The following MED12L variants were observed in gnomAD, a reference collection of about 807,000 sequenced individuals.
MED12L encodes the protein mediator complex subunit 12L, also known as mediator of RNA polymerase II transcription subunit 12-like protein.
In MED12L, 60 loss-of-function variants were observed where a neutral mutation model predicts 281.3. The ratio of observed to expected loss-of-function variants is 0.21; its 90% CI spans 0.17 to 0.26. MED12L has a LOEUF of 0.26. Among genes scored for constraint, MED12L ranks in the 10% least tolerant of loss-of-function variants. MED12L has a pLI of 1.00. For synonymous variants in MED12L, 974 were observed against 987.2 expected, an observed-to-expected ratio of 0.99 and a Z score of 0.25; for missense variants, 2,146 against 2,680.9, an observed-to-expected ratio of 0.80 and a Z score of 4.41.
At chr3:151,338,230 T>C (rs1751295695) in intron 16 of MED12L, 1 of 1,613,952 alleles carries the variant, frequency 6.2e-7, no homozygotes, top group Non-Finnish European at 8.5e-7. Flanking sequence ...TAACATACAA[T>C]AACAATTAAG....
intron 11 of MED12L, among the ~76,000 whole-genome samples, chr3:151,171,506 G>A (rs995143504): frequency 2.0e-5 from 3 of 152,176 alleles, no homozygotes; most frequent in Non-Finnish European, 4.4e-5. Context: ...AGATGGAACC[G>A]GCTGCACTGG....
At position 151,411,501 on chromosome 3, in the gene MED12L, C is replaced by T; in HGVS notation, c.6134C>T (p.Ser2045Phe). ...CCGTACCTGCAGCCCCTGACTGGCT[C>T]TCAGAGGTGATACATGTGGAAATGA... ...ASPYLQPLTG[S>F]QRLNHQALQQ... The change falls in exon 41 of 45, where the codon TCT (serine) becomes TTT (phenylalanine). Residue 2045 changes from serine to phenylalanine, a missense_variant. This residue lies in a region of MED12L where 496 missense variants were observed against 512.0 expected (regional missense o/e 0.97). Coordinates refer to ENST00000687756, the MANE Select transcript of MED12L (RefSeq NM_001393769.1). 6 of 1,614,020 alleles carry T rather than the reference C, an allele frequency of 3.7e-6. No individual in the cohort carries two copies. The highest frequency in any genetic ancestry group is 4.2e-6 in the Non-Finnish European group (5 of 1,179,884).
At chr3:151,090,845 G>A (rs1444318792) in intron 2 of MED12L, among the ~76,000 whole-genome samples, 1 of 152,088 alleles carries the variant, frequency 6.6e-6, no homozygotes, top group African/African-American at 2.4e-5. Context: ...TTCGAGACCA[G>A]CCTTAACAAC....
intron 16 of MED12L, among the ~76,000 whole-genome samples, chr3:151,318,638 C>T (rs986916594): frequency 2.6e-5 from 4 of 152,138 alleles, no homozygotes; most frequent in African/African-American, 9.7e-5. Flanking sequence ...TGAGGATTAT[C>T]ACCCCAAATT....
chr3:151,124,468 C>T (rs970674109), intron 4 of MED12L, among the ~76,000 whole-genome samples: 3 of 152,210 alleles, frequency 2.0e-5, no homozygotes, highest in African/African-American at 7.2e-5. Context: ...AATCCTTCCC[C>T]TTCCCTCCTC....
At chr3:151,233,796 ATC>A (rs1732200072) in intron 16 of MED12L, among the ~76,000 whole-genome samples, 1 of 152,208 alleles carries the variant, frequency 6.6e-6, no homozygotes, top group Non-Finnish European at 1.5e-5. Context: ...GCATTCTTGG[ATC>A]GTTCCTGTTC....
At chr3:151,331,137 A>G (rs1750303061) in intron 16 of MED12L, among the ~76,000 whole-genome samples, 1 of 152,256 alleles carries the variant, frequency 6.6e-6, no homozygotes, top group Non-Finnish European at 1.5e-5. Flanking sequence ...TTCTAGAGTT[A>G]TGGAAATAGA....
rs1753869639 is a variant in MED12L, at chr3:151,355,967, C to A, written c.2589C>A (p.His863Gln). The A allele has an allele frequency of 6.2e-7, 1 of 1,613,992 alleles. No individual in the cohort carries two copies. The highest frequency in any genetic ancestry group is 8.5e-7 in the Non-Finnish European group (1 of 1,179,990). ...CATCCTATCATCTCCCTTTGGCTCACCACATTCAGCTCATCTTTGATCTCA... is the reference window on the plus strand; with the variant it reads ...CATCCTATCATCTCCCTTTGGCTCAACACATTCAGCTCATCTTTGATCTCA... ...SGTSYHLPLA[H>Q]HIQLIFDLME... Residue 863 changes from histidine to glutamine, a missense_variant, in exon 19 of 45, where the codon CAC becomes CAA. Physicochemically the swap from His to Gln is conservative, Grantham distance 24. Around this residue, in one of 9 missense-constraint regions of MED12L, gnomAD observed 404 missense variants for 603.5 expected, o/e 0.67. Transcript: ENST00000687756.
intron 16 of MED12L, among the ~76,000 whole-genome samples, chr3:151,274,542 A>G (rs1475549997): frequency 3.9e-5 from 6 of 152,220 alleles, no homozygotes; most frequent in African/African-American, 1.2e-4. Flanking sequence ...CTCCTAGGAC[A>G]TTTAACTGAA....
At chr3:151,375,917 A>G in intron 27 of MED12L, 109 bp from the exon 28 acceptor site, 1 of 600,728 alleles carries the variant, frequency 1.7e-6, no homozygotes, top group Non-Finnish European at 2.5e-6. Context: ...TTAAATTGGA[A>G]AATTCCTATC....
In MED12L at chr3:151,368,217, A is replaced by T; in HGVS notation, c.3516A>T (p.Arg1172=). 1 of 1,613,962 alleles carries T rather than the reference A, an allele frequency of 6.2e-7. No homozygotes were observed. The highest frequency in any genetic ancestry group is 8.5e-7 in the Non-Finnish European group (1 of 1,179,956). The change falls in exon 25 of 45, where the codon CGA becomes CGT. Residue 1172 remains arginine, a synonymous_variant. Coordinates refer to ENST00000687756, the MANE Select transcript of MED12L (RefSeq NM_001393769.1). ...GCCGACTCTTGCTTCATCTCTTCCG[A>T]GCTCCCCAGGCCTGCTTCTTACCTC... ...MTCRLLLHLF[R]APQACFLPQA...
rs185604511 is a variant in MED12L at position 151,176,293 on chromosome 3, T to C, written c.1495-9037T>C. Among the ~76,000 whole-genome samples, 188 of 152,322 alleles carry C rather than the reference T, an allele frequency of 1.2e-3. 1 individual carries two copies. The highest frequency in any genetic ancestry group is 1.8e-3 in the Non-Finnish European group (124 of 68,028). Reference sequence around the variant, plus strand: ...AACAGGGCATACTGTATAACAAACATATATACCAGCAGTAATCACTGTTAA... The same window carrying C: ...AACAGGGCATACTGTATAACAAACACATATACCAGCAGTAATCACTGTTAA... On this transcript the variant is annotated intron_variant, in intron 11 of 44. Coordinates refer to ENST00000687756, the MANE Select transcript of MED12L (RefSeq NM_001393769.1).
intron 16 of MED12L, among the ~76,000 whole-genome samples, chr3:151,312,972 A>G (rs985375378): frequency 1.3e-5 from 2 of 152,204 alleles, no homozygotes; most frequent in African/African-American, 4.8e-5. Flanking sequence ...TTAGTACTCT[A>G]GTTTTTCAGA....
intron 16 of MED12L, among the ~76,000 whole-genome samples, chr3:151,313,882 C>T (rs1017584898): frequency 3.3e-5 from 5 of 149,958 alleles, no homozygotes; most frequent in African/African-American, 9.9e-5. Context: ...AAAGATCACG[C>T]GACTGCACTC....
intron 39 of MED12L, among the ~76,000 whole-genome samples, chr3:151,400,083 T>A (rs928937846): frequency 6.6e-6 from 1 of 152,136 alleles, no homozygotes; most frequent in African/African-American, 2.4e-5. Context: ...TGTCTCGACC[T>A]CCTATAGTGC....
intron 16 of MED12L, among the ~76,000 whole-genome samples, chr3:151,334,192 C>CTTTTTTTTTTTTTTTTTTTTTTTTTGTTT (rs71848482): frequency 1.0e-5 from 1 of 99,450 alleles, no homozygotes. Context: ...TTCTTTCTTT[C>CTTTTTTTTTTTTTTTTTTTTTTTTTGTTT]TTTCTTTTTT....
At chr3:151,188,870 G>A (rs73018628) in intron 13 of MED12L, among the ~76,000 whole-genome samples, 13,000 of 152,198 alleles carry the variant, frequency 0.085, 1,277 homozygotes, top group African/African-American at 0.23. Flanking sequence ...ATAGCCAGAG[G>A]CATGGTACAA....
intron 16 of MED12L, among the ~76,000 whole-genome samples, chr3:151,269,191 G>A (rs555349742): frequency 1.2e-4 from 19 of 152,202 alleles, no homozygotes; most frequent in Admixed American, 7.9e-4. Flanking sequence ...ACCTGAGGTC[G>A]GGAGTTCGAG....
intron 16 of MED12L, among the ~76,000 whole-genome samples, chr3:151,286,330 G>A (rs1743502863): frequency 6.6e-6 from 1 of 152,192 alleles, no homozygotes; most frequent in South Asian, 2.1e-4. Context: ...ATTTGTGATA[G>A]TTTTGCTTTG....
Sources: allele counts gnomAD v4.1 joint callset (sites outside exome capture counted in the v4.1 genomes callset), GRCh38; gene constraint gnomAD v4.1.1; regional missense constraint gnomAD v4.1.1; transcripts MANE v1.5; gene names NCBI Gene and HGNC (gene_info 2026-07-23, HGNC 2026-07-21).